Variants in TRDMT1 observed in about 807,000 individuals in gnomAD.
TRDMT1 encodes tRNA (cytosine(38)-C(5))-methyltransferase.
Under a neutral mutation model 51.2 loss-of-function variants are expected in TRDMT1, and 49 were observed. The ratio of observed to expected loss-of-function variants is 0.96; its 90% CI spans 0.76 to 1.21. TRDMT1 has a LOEUF of 1.21. Ranked by LOEUF, TRDMT1 falls within the 50% of genes most tolerant of loss-of-function variation. The pLI is 0.00. For synonymous variants in TRDMT1, 187 were observed against 164.6 expected (o/e 1.14, Z -1.04); for missense variants, 534 against 462.3 (o/e 1.16, Z -1.42).
At chr10:17,191,939 A>G (rs1200122289) in intron 1 of TRDMT1, among the ~76,000 whole-genome samples, 1 of 152,104 alleles carries the variant, frequency 6.6e-6, no homozygotes, top group African/African-American at 2.4e-5. Context: ...ACAGGGGTCG[A>G]CAATCATTCT....
At position 17,147,052 on chromosome 10, in the gene TRDMT1, T is replaced by C. The variant is rs1359746694; in HGVS notation, c.*1988A>G. The stretch of plus-strand genomic sequence containing the variant: ...TCTCTACAGACCTTTCAAGTATTTA[T>C]AGTTGGTGCACAGTAACTCGACACT... On this transcript the variant is annotated 3_prime_UTR_variant, in exon 11 of 11. Coordinates refer to ENST00000377799, the MANE Select transcript of TRDMT1 (RefSeq NM_004412.7). The C allele has an allele frequency of 8.1e-6, 8 of 985,614 alleles. No homozygotes were observed. The highest frequency in any genetic ancestry group is 9.6e-6 in the Non-Finnish European group (8 of 829,924). 61.1% of individuals were successfully genotyped at this position (985,614 alleles called of 1,614,324 possible).
chr10:17,147,356 A>G lies in TRDMT1; in HGVS notation c.*1684T>C. 1 of 985,044 alleles carries G rather than the reference A, an allele frequency of 1.0e-6. No individual in the cohort carries two copies. Among genetic ancestry groups the G allele is most frequent in the Non-Finnish European group, 1.2e-6 (1 of 829,546 alleles). The allele number at this position is 985,044 out of a possible 1,614,324, so 61.0% of individuals were successfully genotyped here. A position where few individuals can be genotyped will look rare whatever the true frequency, so the allele number is the denominator to read the frequency against. The stretch of plus-strand genomic sequence containing the variant: ...CATTCATATTTATCTATGAGTTCTG[A>G]AAAATTGGTAATAGAGTATGATTTT... On this transcript the variant is annotated 3_prime_UTR_variant, in exon 11 of 11. Coordinates refer to ENST00000377799, the MANE Select transcript of TRDMT1 (RefSeq NM_004412.7).
chr10:17,196,755 C>A (rs999062556), intron 1 of TRDMT1, among the ~76,000 whole-genome samples: 1 of 152,206 alleles, frequency 6.6e-6, no homozygotes, highest in Non-Finnish European at 1.5e-5. Context: ...AACTCACCTT[C>A]TCAGCTTCCC....
rs922923542 is a variant in TRDMT1 at position 17,142,408 on chromosome 10, G to A, written c.*6632C>T. 2 of 152,166 alleles carry A rather than the reference G, an allele frequency of 1.3e-5. No individual in the cohort carries two copies. The highest frequency in any genetic ancestry group is 2.9e-5 in the Non-Finnish European group (2 of 68,086). The allele number at this position is 152,166 out of a possible 1,614,324, so 9.4% of individuals were successfully genotyped here. On this transcript the variant is annotated 3_prime_UTR_variant, in exon 11 of 11. Coordinates refer to ENST00000377799, the MANE Select transcript of TRDMT1 (RefSeq NM_004412.7). ...TGCTTGGTTTATCTGGTGCTGCTGG[G>A]GTTCCCGAATGGTCCTTCATGATGC...
rs148513478 is a variant in TRDMT1 at position 17,139,444 on chromosome 10, G to C, written c.*9596C>G. Among the ~76,000 whole-genome samples, 150 of 152,228 alleles carry C rather than the reference G, an allele frequency of 9.9e-4. No homozygotes were observed. The highest frequency in any genetic ancestry group is 1.8e-3 in the Non-Finnish European group (122 of 68,018). On this transcript the variant is annotated 3_prime_UTR_variant, in exon 11 of 11. Coordinates refer to ENST00000377799, the MANE Select transcript of TRDMT1 (RefSeq NM_004412.7). ...TGTGATGATATTTTGTGTTCTATTAGGGGAGGAGAGCAAGAGAGGTGAGGA... is the reference window on the plus strand; with the variant it reads ...TGTGATGATATTTTGTGTTCTATTACGGGAGGAGAGCAAGAGAGGTGAGGA...
At chr10:17,154,508 A>G (rs571881527) in intron 9 of TRDMT1, among the ~76,000 whole-genome samples, 169 bp downstream of exon 9, 9 of 152,244 alleles carry the variant, frequency 5.9e-5, no homozygotes, top group African/African-American at 1.7e-4. Context: ...AACAAGAAAA[A>G]GATTTATTCC....
At chr10:17,165,309 C>G (rs1424540477) in intron 3 of TRDMT1, among the ~76,000 whole-genome samples, 1 of 152,214 alleles carries the variant, frequency 6.6e-6, no homozygotes, top group African/African-American at 2.4e-5. Context: ...GCAAAACTGG[C>G]TAGCCATATG....
intron 1 of TRDMT1, among the ~76,000 whole-genome samples, chr10:17,185,476 T>G (rs1843757675): frequency 6.6e-6 from 1 of 152,228 alleles, no homozygotes; most frequent in Non-Finnish European, 1.5e-5. Flanking sequence ...TTGGTGGGAC[T>G]GTAAACTAGT....
chr10:17,170,068 T>TA (rs1841761131), intron 2 of TRDMT1, among the ~76,000 whole-genome samples: 1 of 151,982 alleles, frequency 6.6e-6, no homozygotes, highest in Non-Finnish European at 1.5e-5. Context: ...ACAACTAAAG[T>TA]AAAAAACAAC....
intron 2 of TRDMT1, among the ~76,000 whole-genome samples, chr10:17,173,775 T>A (rs1408221584): frequency 5.5e-5 from 1 of 18,304 alleles, no homozygotes; most frequent in Admixed American, 4.1e-4. Flanking sequence ...ACAATTTCTT[T>A]TTTTTTTTTT....
intron 10 of TRDMT1, among the ~76,000 whole-genome samples, chr10:17,149,544 T>C (rs1456717543): frequency 2.0e-5 from 3 of 152,106 alleles, no homozygotes; most frequent in Non-Finnish European, 4.4e-5. Context: ...AATTAAGAGG[T>C]TGTTAGTATA....
intron 10 of TRDMT1, chr10:17,151,988 A>G: frequency 7.7e-7 from 1 of 1,290,936 alleles, no homozygotes; most frequent in Non-Finnish European, 1.0e-6. Context: ...AGTATTACCA[A>G]AGTGACTACT....
chr10:17,155,664 C>G (rs958399967), intron 8 of TRDMT1, among the ~76,000 whole-genome samples: 10 of 152,250 alleles, frequency 6.6e-5, no homozygotes, highest in African/African-American at 2.4e-4. Context: ...ATTTCTCTCT[C>G]TAAGATTATT....
At chr10:17,164,759 C>T (rs1369075543) in intron 3 of TRDMT1, among the ~76,000 whole-genome samples, 1 of 152,152 alleles carries the variant, frequency 6.6e-6, no homozygotes, top group African/African-American at 2.4e-5. Context: ...TGAGTGAACT[C>T]CCATTCACAA....
Position 17,146,568 on chromosome 10 carries a change from T to C in TRDMT1, c.*2472A>G. The C allele has an allele frequency of 1.0e-6, 1 of 985,226 alleles. No individual in the cohort carries two copies. The allele number at this position is 985,226 out of a possible 1,614,324, so 61.0% of individuals were successfully genotyped here. On this transcript the variant is annotated 3_prime_UTR_variant, in exon 11 of 11. Transcript: ENST00000377799. ...ATACTAAAAATATGAAGCAGGGTAA[T>C]AAATACCTTACAATTATCTGGCAAG...
Position 17,157,524 on chromosome 10 carries a change from TAA to T in TRDMT1, c.802_803del (p.Leu268ThrfsTer20). The stretch of plus-strand genomic sequence containing the variant: ...CATATCGCAGCAATGACTTTGGTGG[TAA>T]AAGATACTGGTTCACGTCAGTGTCA... ...EDDTDVNQYL[L>X]PPKSLLRYAL... On this transcript the variant is annotated frameshift_variant, in exon 8 of 11. Coordinates refer to ENST00000377799, the MANE Select transcript of TRDMT1 (RefSeq NM_004412.7). LOFTEE classifies it high-confidence loss of function. 6.2e-7 allele frequency: 1 copy of T among 1,614,082 alleles called. No homozygotes were observed. Among genetic ancestry groups the T allele is most frequent in the Non-Finnish European group, 8.5e-7 (1 of 1,179,938 alleles).
Position 17,147,506 on chromosome 10 carries a change from A to C in TRDMT1, c.*1534T>G. On this transcript the variant is annotated 3_prime_UTR_variant, in exon 11 of 11. Transcript: ENST00000377799. The stretch of plus-strand genomic sequence containing the variant: ...ACCATCCTCCCCATCCACCTCCAGA[A>C]CTTTCTCATCACCCCAATCAGAAAC... The C allele has an allele frequency of 3.6e-6, 1 of 275,004 alleles. No individual in the cohort carries two copies. The highest frequency in any genetic ancestry group is 5.5e-6 in the Non-Finnish European group (1 of 180,370). 17.0% of individuals were successfully genotyped at this position (275,004 alleles called of 1,614,324 possible). A position where few individuals can be genotyped will look rare whatever the true frequency, so the allele number is the denominator to read the frequency against.
chr10:17,154,806 G>C (rs969987341), intron 8 of TRDMT1, 72 bp from the exon 9 acceptor site: 1 of 1,300,118 alleles, frequency 7.7e-7, no homozygotes, highest in African/African-American at 1.5e-5. Flanking sequence ...AATATTTATT[G>C]AATGAATTAA....
In TRDMT1 at chr10:17,147,867, T is replaced by C. The variant is rs2131363626; in HGVS notation, c.*1173A>G. ...GCTGAATCATAGGGTAATTCTATGT[T>C]GAATTTTGTGACGAACCTCCATAGC... On this transcript the variant is annotated 3_prime_UTR_variant, in exon 11 of 11. Coordinates refer to ENST00000377799, the MANE Select transcript of TRDMT1 (RefSeq NM_004412.7). The C allele has an allele frequency of 6.8e-6, 3 of 440,762 alleles. No individual in the cohort carries two copies. Among genetic ancestry groups the C allele is most frequent in the Middle Eastern group, 1.2e-3 (1 of 854 alleles). 27.3% of individuals were successfully genotyped at this position (440,762 alleles called of 1,614,324 possible).
Sources: gnomAD v4.1 joint callset for allele counts (sites outside exome capture counted in the v4.1 genomes callset) on GRCh38, gnomAD v4.1.1 for gene constraint, MANE v1.5 for transcripts, NCBI Gene and HGNC (gene_info 2026-07-23, HGNC 2026-07-21) for gene names.